Variants in RSPO2 observed in about 807,000 individuals in gnomAD.
RSPO2 encodes the protein R-spondin-2.
A neutral mutation model predicts 30.9 loss-of-function variants in RSPO2; 14 were observed. The ratio of observed to expected loss-of-function variants is 0.45; its 90% CI spans 0.30 to 0.71. RSPO2 has a LOEUF of 0.71. RSPO2 is among the 30% of genes least tolerant of loss of function. The probability of loss-of-function intolerance (pLI) is 0.08; values close to 1 mark genes in which losing one functional copy is unlikely to be tolerated. For missense variants in RSPO2, 264 were observed against 301.9 expected (o/e 0.87, Z 0.93); for synonymous variants, 107 against 96.4 (o/e 1.11, Z -0.64).
intron 3 of RSPO2, among the ~76,000 whole-genome samples, chr8:107,977,583 T>C (rs1814259998): frequency 6.6e-6 from 1 of 152,084 alleles, no homozygotes; most frequent in Non-Finnish European, 1.5e-5. Context: ...ATAAAAAACA[T>C]AGCTAAAGTT....
chr8:107,925,133 G>C (rs1182028196), intron 5 of RSPO2, among the ~76,000 whole-genome samples: 2 of 151,848 alleles, frequency 1.3e-5, no homozygotes, highest in Non-Finnish European at 1.5e-5. Context: ...GATGGATTTA[G>C]AGGCTTGGCA....
intron 2 of RSPO2, among the ~76,000 whole-genome samples, chr8:107,992,174 T>TATACACACACACACACAC (rs1814868550): frequency 1.4e-5 from 2 of 141,964 alleles, no homozygotes; most frequent in Non-Finnish European, 1.5e-5. Flanking sequence ...GAAAATGTGA[T>TATACACACACACACACAC]ACACACACAC....
chr8:107,919,735 T>A (rs1812092763), intron 5 of RSPO2, among the ~76,000 whole-genome samples: 1 of 152,126 alleles, frequency 6.6e-6, no homozygotes, highest in Admixed American at 6.6e-5. Flanking sequence ...CCTGGCTCAC[T>A]GGCTTCCCTC....
At chr8:107,944,922 G>A (rs929667608) in intron 5 of RSPO2, among the ~76,000 whole-genome samples, 1 of 151,904 alleles carries the variant, frequency 6.6e-6, no homozygotes, top group African/African-American at 2.4e-5. Context: ...CTACCTGCCA[G>A]GCCTCTCTCC....
chr8:107,991,949 G>C (rs571941965), intron 2 of RSPO2, among the ~76,000 whole-genome samples: 81 of 152,260 alleles, frequency 5.3e-4, no homozygotes, highest in African/African-American at 1.9e-3. Context: ...GTGTACATTA[G>C]TTCAACCATT....
At chr8:107,924,214 G>A (rs1462692934) in intron 5 of RSPO2, among the ~76,000 whole-genome samples, 1 of 151,942 alleles carries the variant, frequency 6.6e-6, no homozygotes, top group Non-Finnish European at 1.5e-5. Flanking sequence ...TCAGAAAGTA[G>A]GAAATCGGCC....
At chr8:107,999,779 A>G (rs1210288391) in intron 2 of RSPO2, among the ~76,000 whole-genome samples, 1 of 150,892 alleles carries the variant, frequency 6.6e-6, no homozygotes, top group African/African-American at 2.5e-5. Flanking sequence ...TTAGAGTCAC[A>G]GATCTATTTT....
intron 5 of RSPO2, among the ~76,000 whole-genome samples, chr8:107,953,272 C>G (rs1195369505): frequency 6.6e-6 from 1 of 152,178 alleles, no homozygotes; most frequent in Non-Finnish European, 1.5e-5. Flanking sequence ...ACAAGGCAGT[C>G]TCCTCTAGAG....
chr8:108,067,774 A>G (rs1317247269), intron 2 of RSPO2, among the ~76,000 whole-genome samples: 1 of 152,192 alleles, frequency 6.6e-6, no homozygotes. Flanking sequence ...CAGCTCTTAG[A>G]GGACAGCTAA....
intron 2 of RSPO2, among the ~76,000 whole-genome samples, chr8:108,045,637 G>C (rs969434292): frequency 6.6e-6 from 1 of 152,024 alleles, no homozygotes. Context: ...CAACATTTTT[G>C]TTGGGAGGGC....
chr8:108,033,693 G>C (rs1365789817), intron 2 of RSPO2, among the ~76,000 whole-genome samples: 1 of 152,190 alleles, frequency 6.6e-6, no homozygotes, highest in Non-Finnish European at 1.5e-5. Flanking sequence ...TTATTAAAAA[G>C]CAGCTCTTGC....
At chr8:108,020,690 A>G (rs1811035728) in intron 2 of RSPO2, among the ~76,000 whole-genome samples, 1 of 152,190 alleles carries the variant, frequency 6.6e-6, no homozygotes, top group African/African-American at 2.4e-5. Flanking sequence ...CATTAGGAAC[A>G]CAATAATAAG....
At chr8:107,986,642 TC>T (rs1438480083) in intron 3 of RSPO2, among the ~76,000 whole-genome samples, 7 of 152,182 alleles carry the variant, frequency 4.6e-5, no homozygotes, top group Non-Finnish European at 5.9e-5. Flanking sequence ...CCCTCTCATT[TC>T]CCAGTGTCCC....
At chr8:107,904,658 G>T (rs150494919) in intron 5 of RSPO2, among the ~76,000 whole-genome samples, 235 of 152,132 alleles carry the variant, frequency 1.5e-3, no homozygotes, top group African/African-American at 5.3e-3. Flanking sequence ...AACCTGGTAG[G>T]CTAGGCACAG....
chr8:107,960,473 A>C (rs1813590935), intron 4 of RSPO2, among the ~76,000 whole-genome samples: 1 of 152,196 alleles, frequency 6.6e-6, no homozygotes, highest in Admixed American at 6.5e-5. Context: ...TAGCAAATGC[A>C]CAACTAGCAA....
chr8:107,923,456 T>C lies in RSPO2; in HGVS notation c.617-22266A>G, dbSNP rs148286379. 5.4e-3 allele frequency among the ~76,000 whole-genome samples: 817 copies of C among 152,334 alleles called. 5 individuals are homozygous for C. The highest frequency in any genetic ancestry group is 0.014 in the South Asian group (68 of 4,830). On this transcript the variant is annotated intron_variant, in intron 5 of 5. Transcript: ENST00000276659. Reference sequence around the variant, plus strand: ...GGTTGTGGAGAAAAGGAAACATTTATACACTGTTGGTGGGAGTATAAATTA... The same window carrying C: ...GGTTGTGGAGAAAAGGAAACATTTACACACTGTTGGTGGGAGTATAAATTA...
intron 5 of RSPO2, among the ~76,000 whole-genome samples, chr8:107,908,560 T>A (rs1045936221): frequency 1.3e-5 from 2 of 152,130 alleles, no homozygotes; most frequent in Non-Finnish European, 2.9e-5. Context: ...GAGTACTGGT[T>A]AAGAGATGGT....
At chr8:108,061,212 A>C (rs1288045734) in intron 2 of RSPO2, among the ~76,000 whole-genome samples, 2 of 151,866 alleles carry the variant, frequency 1.3e-5, no homozygotes, top group African/African-American at 4.9e-5. Context: ...AATGGGCTAT[A>C]TGCTCCAATT....
chr8:107,900,989 C>A lies in RSPO2; in HGVS notation c.*86G>T. 2 of 1,433,300 alleles carry A rather than the reference C, an allele frequency of 1.4e-6. No homozygotes were observed. Among genetic ancestry groups the A allele is most frequent in the Non-Finnish European group, 1.9e-6 (2 of 1,043,384 alleles). The allele number at this position is 1,433,300 out of a possible 1,614,324, so 88.8% of individuals were successfully genotyped here. A position where few individuals can be genotyped will look rare whatever the true frequency, so the allele number is the denominator to read the frequency against. Reference sequence around the variant, plus strand: ...GATACTGGGCAGAGCAGCACAAAGGCTGCACACCAGTGTGCAGGAGTGGAG... The same window carrying A: ...GATACTGGGCAGAGCAGCACAAAGGATGCACACCAGTGTGCAGGAGTGGAG... On this transcript the variant is annotated 3_prime_UTR_variant, in exon 6 of 6. Coordinates refer to ENST00000276659, the MANE Select transcript of RSPO2 (RefSeq NM_178565.5).
Sources: allele counts gnomAD v4.1 joint callset (sites outside exome capture counted in the v4.1 genomes callset), GRCh38; gene constraint gnomAD v4.1.1; transcripts MANE v1.5; gene names NCBI Gene and HGNC (gene_info 2026-07-23, HGNC 2026-07-21).